ITGA1: variants seen among roughly 807,000 people sequenced by gnomAD.
ITGA1 encodes integrin subunit alpha 1, also known as integrin alpha-1.
In ITGA1, 85 loss-of-function variants were observed where a neutral mutation model predicts 145.9. The observed-to-expected ratio is 0.58, with a 90% CI of 0.49 to 0.70. ITGA1 has a LOEUF of 0.70. Among genes scored for constraint, ITGA1 ranks in the 30% least tolerant of loss-of-function variants. The pLI is 0.00. For synonymous variants in ITGA1, 520 were observed against 495.3 expected, an observed-to-expected ratio of 1.05 and a Z score of -0.66; for missense variants, 1,351 against 1,418.7, an observed-to-expected ratio of 0.95 and a Z score of 0.77.
At chr5:52,916,700 G>A (rs558567892) in intron 15 of ITGA1, among the ~76,000 whole-genome samples, 2 of 152,224 alleles carry the variant, frequency 1.3e-5, no homozygotes, top group East Asian at 3.9e-4. Context: ...GGGACTTTGG[G>A]GAGGACTCAC....
chr5:52,876,008 T>C (rs1749860485), intron 6 of ITGA1, among the ~76,000 whole-genome samples: 1 of 152,176 alleles, frequency 6.6e-6, no homozygotes, highest in African/African-American at 2.4e-5. Flanking sequence ...TCATAATCTC[T>C]TGGCTATTTT....
Position 52,909,006 on chromosome 5 carries a change from G to A in ITGA1, c.1564G>A (p.Glu522Lys), listed in dbSNP as rs1561244883. 6.2e-6 allele frequency: 10 copies of A among 1,613,904 alleles called. No individual in the cohort carries two copies. Among genetic ancestry groups the A allele is most frequent in the Non-Finnish European group, 7.6e-6 (9 of 1,179,888 alleles). Residue 522 changes from glutamate (E) to lysine (K), a missense_variant, in exon 13 of 29, where the codon GAG becomes AAG. Glu to Lys is a moderately conservative substitution (Grantham distance 56, BLOSUM62 1). Transcript: ENST00000282588. ...TATGTACATGGGAACAGAGAAGGAG[G>A]AGCAAGGAAAAGTGTATGTGTATGC... Reference protein sequence around the residue: ...APMYMGTEKEEQGKVYVYALN... With the variant: ...APMYMGTEKEKQGKVYVYALN...
At chr5:52,928,524 A>C (rs561185427) in intron 20 of ITGA1, among the ~76,000 whole-genome samples, 1 of 152,312 alleles carries the variant, frequency 6.6e-6, no homozygotes, top group African/African-American at 2.4e-5. Flanking sequence ...TCATTACGAC[A>C]ATTGATTTTA....
chr5:52,828,639 T>C (rs1046691075), intron 1 of ITGA1, among the ~76,000 whole-genome samples: 1 of 152,324 alleles, frequency 6.6e-6, no homozygotes, highest in Non-Finnish European at 1.5e-5. Flanking sequence ...TGTGCACTTA[T>C]ATATTTCTCA....
chr5:52,901,368 GGTAAGATAAAAA>G (rs1750311586), intron 11 of ITGA1, among the ~76,000 whole-genome samples: 1 of 152,104 alleles, frequency 6.6e-6, no homozygotes, highest in Non-Finnish European at 1.5e-5. Context: ...TAAACAGAAT[GGTAAGATAAAAA>G]GTTCATGATG....
intron 6 of ITGA1, among the ~76,000 whole-genome samples, chr5:52,872,640 C>T (rs1001236736): frequency 4.2e-5 from 6 of 141,180 alleles, no homozygotes; most frequent in African/African-American, 1.6e-4. Flanking sequence ...CTCACTGCAA[C>T]CTCCGCCTCC....
intron 2 of ITGA1, among the ~76,000 whole-genome samples, chr5:52,857,100 C>T (rs749778950): frequency 3.9e-5 from 6 of 152,192 alleles, no homozygotes; most frequent in Non-Finnish European, 5.9e-5. Flanking sequence ...ATCATTTGTG[C>T]TGCATTCTAT....
At position 52,915,641 on chromosome 5, in the gene ITGA1, C is replaced by T. The variant is rs369254523; in HGVS notation, c.1988+47C>T. The T allele has an allele frequency of 1.1e-5, 17 of 1,604,092 alleles. No individual in the cohort carries two copies. In the Middle Eastern group the frequency reaches 1.0e-3, roughly 95 times the overall value. ...TGTTAATCTGAGACTGGGTCACTTG[C>T]AGAGCTCCCAGTGTGATTGGAGCTC... On this transcript the variant is annotated intron_variant, in intron 15 of 28. Coordinates refer to ENST00000282588, the MANE Select transcript of ITGA1 (RefSeq NM_181501.2).
intron 23 of ITGA1, among the ~76,000 whole-genome samples, chr5:52,935,478 T>C (rs908133350): frequency 3.3e-5 from 5 of 152,158 alleles, no homozygotes; most frequent in African/African-American, 1.2e-4. Context: ...AGAAGGCACA[T>C]TTTGGAGTAA....
rs1190741283 is a variant in ITGA1, at chr5:52,890,367, T to C, written c.924+2402T>C. Among the ~76,000 whole-genome samples the C allele has an allele frequency of 2.0e-5, 3 of 152,236 alleles. 1 individual carries two copies. The highest frequency in any genetic ancestry group is 4.1e-4 in the South Asian group (2 of 4,834). On this transcript the variant is annotated intron_variant, in intron 8 of 28. Coordinates refer to ENST00000282588, the MANE Select transcript of ITGA1 (RefSeq NM_181501.2). ...AAACTTAATACTATATTAAGATTCA[T>C]CCATAATGTTGCATATCTGTATAGT...
At chr5:52,878,465 A>G (rs769041310) in intron 6 of ITGA1, among the ~76,000 whole-genome samples, 1 of 152,178 alleles carries the variant, frequency 6.6e-6, no homozygotes, top group Admixed American at 6.5e-5. Context: ...GGACAATCCA[A>G]TGGTTCATAG....
intron 6 of ITGA1, among the ~76,000 whole-genome samples, chr5:52,877,893 C>G (rs1222060231): frequency 6.6e-6 from 1 of 152,166 alleles, no homozygotes; most frequent in Non-Finnish European, 1.5e-5. Context: ...TTAGATCCAG[C>G]TCCCAGAAGC....
At chr5:52,911,085 T>C (rs1159435304) in intron 14 of ITGA1, among the ~76,000 whole-genome samples, 29 of 127,208 alleles carry the variant, frequency 2.3e-4, no homozygotes, top group Admixed American at 2.2e-3. Context: ...ATATAGTATA[T>C]ATAGTGTATA....
At chr5:52,911,710 A>C (rs1222771981) in intron 14 of ITGA1, among the ~76,000 whole-genome samples, 1 of 136,936 alleles carries the variant, frequency 7.3e-6, no homozygotes, top group East Asian at 2.2e-4. Flanking sequence ...TGTATCTACT[A>C]TATATACTAT....
At position 52,812,674 on chromosome 5, in the gene ITGA1, G is replaced by GA. The variant is rs574916131; in HGVS notation, c.61+24266dup. 4.1e-3 allele frequency among the ~76,000 whole-genome samples: 619 copies of GA among 151,588 alleles called. 3 individuals carry two copies. The highest frequency in any genetic ancestry group is 0.014 in the African/African-American group (589 of 41,336). On this transcript the variant is annotated intron_variant, in intron 1 of 28. Coordinates refer to ENST00000282588, the MANE Select transcript of ITGA1 (RefSeq NM_181501.2). Reference sequence around the variant, plus strand: ...TTTGTGAGCTTCAATTTGTAAAATGGAAAAAATGATAAAACTGCTCTCATA... The same window carrying GA: ...TTTGTGAGCTTCAATTTGTAAAATGGAAAAAAATGATAAAACTGCTCTCATA...
intron 7 of ITGA1, among the ~76,000 whole-genome samples, chr5:52,884,814 C>T (rs1240887015): frequency 6.6e-6 from 1 of 152,178 alleles, no homozygotes; most frequent in Non-Finnish European, 1.5e-5. Flanking sequence ...CCCACATCGA[C>T]CAGTTATCTG....
chr5:52,828,889 C>T (rs1749011528), intron 1 of ITGA1, among the ~76,000 whole-genome samples: 1 of 152,130 alleles, frequency 6.6e-6, no homozygotes, highest in African/African-American at 2.4e-5. Flanking sequence ...GGCTTCTTGA[C>T]ACTTGATACT....
At chr5:52,899,937 G>A (rs770584246) in intron 11 of ITGA1, among the ~76,000 whole-genome samples, 6 of 152,112 alleles carry the variant, frequency 3.9e-5, no homozygotes, top group Non-Finnish European at 5.9e-5. Flanking sequence ...TTTATATCAC[G>A]ATACCAAAAT....
rs77154734 is a variant in ITGA1 at position 52,930,258 on chromosome 5, T to A, written c.2771+557T>A. Reference sequence around the variant, plus strand: ...TCTGCAGTGAGATGGTGTCTTTTACTGTTTTATTCACAGTGACTAGCATTG... The same window carrying A: ...TCTGCAGTGAGATGGTGTCTTTTACAGTTTTATTCACAGTGACTAGCATTG... On this transcript the variant is annotated intron_variant, in intron 21 of 28. Transcript: ENST00000282588. Among the ~76,000 whole-genome samples, 22 of 152,298 alleles carry A rather than the reference T, an allele frequency of 1.4e-4. No homozygotes were observed. The East Asian group carries it at 4.0e-3, about 28-fold the overall frequency.
Sources: gnomAD v4.1 joint callset for allele counts (sites outside exome capture counted in the v4.1 genomes callset) on GRCh38, gnomAD v4.1.1 for gene constraint, MANE v1.5 for transcripts, NCBI Gene and HGNC (gene_info 2026-07-23, HGNC 2026-07-21) for gene names.